CLASP2: variants seen among roughly 807,000 people sequenced by gnomAD.
CLASP2 encodes CLIP-associating protein 2.
Under a neutral mutation model 194.4 loss-of-function variants are expected in CLASP2, and 47 were observed. The observed-to-expected ratio is 0.24, with a 90% CI of 0.19 to 0.31. The LOEUF (loss-of-function observed/expected upper bound fraction) is 0.31. CLASP2 is among the 10% of genes least tolerant of loss of function. The pLI is 1.00. For missense variants in CLASP2, 1,445 were observed against 1,823.6 expected (o/e 0.79, Z 3.78); for synonymous variants, 619 against 633.5 (o/e 0.98, Z 0.34).
intron 1 of CLASP2, among the ~76,000 whole-genome samples, chr3:33,703,173 C>T (rs1235696183): frequency 6.6e-6 from 1 of 152,096 alleles, no homozygotes; most frequent in African/African-American, 2.4e-5. Flanking sequence ...AAACAAACCA[C>T]AGACTGGGGG....
At position 33,535,437 on chromosome 3, in the gene CLASP2, C is replaced by A; in HGVS notation, c.3583G>T (p.Asp1195Tyr). ...DSMCGGPGMS[D>Y]PRAGGDATDS... ...GTAGCATCACCTCCTGCTCTTGGGTCAGACATCCCAGGACCACCACACATC... is the reference window on the plus strand; with the variant it reads ...GTAGCATCACCTCCTGCTCTTGGGTAAGACATCCCAGGACCACCACACATC... The change falls in exon 34 of 39, where the codon GAC (aspartate) becomes TAC (tyrosine). Residue 1195 changes from aspartate (D) to tyrosine (Y), a missense_variant. Asp to Tyr is a radical substitution (Grantham distance 160). Coordinates refer to ENST00000682230, the MANE Select transcript of CLASP2 (RefSeq NM_001365631.1). The A allele has an allele frequency of 6.2e-7, 1 of 1,613,798 alleles. No individual in the cohort carries two copies. The highest frequency in any genetic ancestry group is 1.1e-5 in the South Asian group (1 of 91,014).
intron 34 of CLASP2, among the ~76,000 whole-genome samples, chr3:33,528,944 C>T (rs2055392486): frequency 6.6e-6 from 1 of 152,114 alleles, no homozygotes; most frequent in African/African-American, 2.4e-5. Flanking sequence ...AGCCCAAAAG[C>T]TCCTCAAGCT....
chr3:33,550,134 T>A (rs921278233), intron 30 of CLASP2, among the ~76,000 whole-genome samples: 13 of 152,056 alleles, frequency 8.5e-5, no homozygotes, highest in African/African-American at 3.1e-4. Context: ...CTGGGTGCAG[T>A]GGCTCACATC....
At chr3:33,524,589 T>A (rs185204725) in intron 34 of CLASP2, among the ~76,000 whole-genome samples, 3 of 152,294 alleles carry the variant, frequency 2.0e-5, no homozygotes, top group Admixed American at 2.0e-4. Flanking sequence ...AAGTTGAGGC[T>A]GCAGTAAGCC....
chr3:33,538,119 C>T (rs61413578), intron 33 of CLASP2, among the ~76,000 whole-genome samples: 17,163 of 148,860 alleles, frequency 0.12, 1,211 homozygotes, highest in East Asian at 0.21. Flanking sequence ...CCAGCCTGGG[C>T]GACAGAGCGA....
intron 6 of CLASP2, among the ~76,000 whole-genome samples, chr3:33,667,142 T>C (rs933497433): frequency 1.3e-5 from 2 of 152,150 alleles, no homozygotes; most frequent in Non-Finnish European, 1.5e-5. Flanking sequence ...CCAGGTACGG[T>C]GGCTCATGCC....
intron 32 of CLASP2, among the ~76,000 whole-genome samples, chr3:33,543,211 A>G (rs1421328237): frequency 6.6e-6 from 1 of 152,160 alleles, no homozygotes; most frequent in Non-Finnish European, 1.5e-5. Context: ...TGTCTCTAGC[A>G]AAAATACAAA....
intron 1 of CLASP2, 103 bp downstream of exon 1, chr3:33,717,705 A>C: frequency 7.9e-7 from 1 of 1,258,266 alleles, no homozygotes; most frequent in Non-Finnish European, 1.1e-6. Context: ...TCCCCTCTTA[A>C]GCAGTGGTTC....
At chr3:33,699,342 G>A (rs2092202274) in intron 1 of CLASP2, among the ~76,000 whole-genome samples, 1 of 151,944 alleles carries the variant, frequency 6.6e-6, no homozygotes, top group African/African-American at 2.4e-5. Flanking sequence ...GAAAAATAAT[G>A]AAAGGCATCA....
At chr3:33,715,379 T>C (rs2093242568) in intron 1 of CLASP2, among the ~76,000 whole-genome samples, 1 of 152,178 alleles carries the variant, frequency 6.6e-6, no homozygotes, top group Non-Finnish European at 1.5e-5. Flanking sequence ...TCTTGCCTAG[T>C]ATTCCCTATT....
chr3:33,647,609 T>C (rs368851906), intron 7 of CLASP2, among the ~76,000 whole-genome samples: 2 of 152,216 alleles, frequency 1.3e-5, no homozygotes, highest in East Asian at 1.9e-4. Context: ...AAAGCAGTTA[T>C]ATACACACAA....
intron 6 of CLASP2, among the ~76,000 whole-genome samples, chr3:33,666,245 CAATAT>C (rs761399587): frequency 1.2e-4 from 18 of 152,160 alleles, no homozygotes; most frequent in Admixed American, 2.0e-4. Flanking sequence ...TCAAACTGTA[CAATAT>C]AACGATTTTT....
At chr3:33,544,067 T>C (rs1347835247) in intron 31 of CLASP2, among the ~76,000 whole-genome samples, 1 of 152,218 alleles carries the variant, frequency 6.6e-6, no homozygotes, top group Non-Finnish European at 1.5e-5. Flanking sequence ...GTGTGTCTCC[T>C]TTATTTGCCA....
At chr3:33,592,966 A>G (rs2154239501) in intron 20 of CLASP2, among the ~76,000 whole-genome samples, 1 of 152,360 alleles carries the variant, frequency 6.6e-6, no homozygotes, top group Middle Eastern at 3.4e-3. Flanking sequence ...ATTAGGCAAA[A>G]GATTTAATCT....
At chr3:33,505,704 C>T (rs1244065915) in intron 37 of CLASP2, among the ~76,000 whole-genome samples, 1 of 152,202 alleles carries the variant, frequency 6.6e-6, no homozygotes, top group South Asian at 2.1e-4. Flanking sequence ...TCAATCTTAA[C>T]ATCACTGAAG....
rs140722658 is a variant in CLASP2 at position 33,641,731 on chromosome 3, G to A, written c.862+3026C>T. Among the ~76,000 whole-genome samples, 22 of 151,722 alleles carry A rather than the reference G, an allele frequency of 1.5e-4. No homozygotes were observed. In the East Asian group the frequency reaches 3.3e-3, roughly 23 times the overall value. On this transcript the variant is annotated intron_variant, in intron 8 of 38. Coordinates refer to ENST00000682230, the MANE Select transcript of CLASP2 (RefSeq NM_001365631.1). ...AAACTACAAAAGCAGATTAAGTCACGATTCCAAAGAAGCTCACTGTATTTT... is the reference window on the plus strand; with the variant it reads ...AAACTACAAAAGCAGATTAAGTCACAATTCCAAAGAAGCTCACTGTATTTT...
At chr3:33,684,095 A>G (rs552443707) in intron 6 of CLASP2, among the ~76,000 whole-genome samples, 1 of 151,714 alleles carries the variant, frequency 6.6e-6, no homozygotes, top group Non-Finnish European at 1.5e-5. Flanking sequence ...AATACAAAAA[A>G]TTAGCTGGGC....
At chr3:33,685,848 G>C (rs989409400) in intron 5 of CLASP2, among the ~76,000 whole-genome samples, 6 of 152,154 alleles carry the variant, frequency 3.9e-5, no homozygotes, top group Admixed American at 3.9e-4. Flanking sequence ...GACTGCCAGG[G>C]ACTGGGGAGT....
At chr3:33,666,049 T>A (rs1398724727) in intron 6 of CLASP2, among the ~76,000 whole-genome samples, 4 of 152,188 alleles carry the variant, frequency 2.6e-5, no homozygotes, top group Non-Finnish European at 4.4e-5. Context: ...AGGAAGGTTC[T>A]AACTCATAGG....
Sources: allele counts gnomAD v4.1 joint callset (sites outside exome capture counted in the v4.1 genomes callset), GRCh38; gene constraint gnomAD v4.1.1; transcripts MANE v1.5; gene names NCBI Gene and HGNC (gene_info 2026-07-23, HGNC 2026-07-21).